STAG1: variants seen among roughly 807,000 people sequenced by gnomAD.
The protein encoded by STAG1 is cohesin subunit SA-1.
In STAG1, 26 loss-of-function variants were observed where a neutral mutation model predicts 170.9. The ratio of observed to expected loss-of-function variants is 0.15; its 90% CI spans 0.11 to 0.21. The LOEUF is 0.21. STAG1 is among the 10% of genes least tolerant of loss of function. The probability of loss-of-function intolerance (pLI) is 1.00; values close to 1 mark genes in which losing one functional copy is unlikely to be tolerated. For synonymous variants in STAG1, 514 were observed against 497.7 expected (o/e 1.03, Z -0.44); for missense variants, 964 against 1,509.5 (o/e 0.64, Z 5.99).
At chr3:136,377,780 G>T in intron 22 of STAG1, 28 bp from the exon 23 acceptor site, 1 of 1,573,406 alleles carries the variant, frequency 6.4e-7, no homozygotes, top group Non-Finnish European at 8.7e-7. Flanking sequence ...ATTTGCAAGC[G>T]TGAATTACAG....
At chr3:136,632,209 T>C (rs543978344) in intron 1 of STAG1, among the ~76,000 whole-genome samples, 1 of 152,098 alleles carries the variant, frequency 6.6e-6, no homozygotes, top group South Asian at 2.1e-4. Context: ...AATCGATGAG[T>C]AGAAAACTTC....
intron 1 of STAG1, among the ~76,000 whole-genome samples, chr3:136,747,902 C>T (rs1009755578): frequency 1.6e-4 from 24 of 150,652 alleles, no homozygotes; most frequent in African/African-American, 5.1e-4. Context: ...TCAGCCTCCC[C>T]GGTAGCTAGG....
In STAG1 at chr3:136,450,741, CTTAT is replaced by C. The variant is rs531568175; in HGVS notation, c.1428+1288_1428+1291del. 2.7e-3 allele frequency among the ~76,000 whole-genome samples: 417 copies of C among 152,092 alleles called. 4 individuals are homozygous for C. Among genetic ancestry groups the C allele is most frequent in the Non-Finnish European group, 4.5e-3 (304 of 67,964 alleles). On this transcript the variant is annotated intron_variant, in intron 14 of 33. Coordinates refer to ENST00000383202, the MANE Select transcript of STAG1 (RefSeq NM_005862.3). ...TTCTTTTGCAACTCTATTTTGTTTG[CTTAT>C]TTATTTTAATTTTTTTTGAGACAGA... is the stretch of plus-strand genomic sequence containing the variant.
chr3:136,370,484 G>A (rs997897149), intron 23 of STAG1, among the ~76,000 whole-genome samples: 12 of 152,074 alleles, frequency 7.9e-5, no homozygotes, highest in African/African-American at 2.9e-4. Context: ...AGCATTAGGT[G>A]TATCTCCTAA....
At chr3:136,722,616 C>T (rs1457667333) in intron 1 of STAG1, among the ~76,000 whole-genome samples, 1 of 141,738 alleles carries the variant, frequency 7.1e-6, no homozygotes, top group African/African-American at 2.9e-5. Context: ...ATGACTCTCC[C>T]TCTCCCTCTC....
chr3:136,454,127 C>A (rs985420166), intron 13 of STAG1, among the ~76,000 whole-genome samples: 5 of 152,190 alleles, frequency 3.3e-5, no homozygotes, highest in African/African-American at 1.2e-4. Context: ...CACAGTCTCA[C>A]TCTGTCACCC....
chr3:136,656,736 A>G (rs1477095745), intron 1 of STAG1, among the ~76,000 whole-genome samples: 1 of 151,912 alleles, frequency 6.6e-6, no homozygotes, highest in East Asian at 1.9e-4. Flanking sequence ...GAATGAGTCA[A>G]TTACTGCATG....
intron 3 of STAG1, among the ~76,000 whole-genome samples, chr3:136,619,767 A>AT (rs1278465597): frequency 2.0e-5 from 3 of 150,602 alleles, no homozygotes; most frequent in Non-Finnish European, 3.0e-5. Context: ...AAAAAAAAAA[A>AT]AAAAAAAAAA....
rs911018011 is a variant in STAG1, at chr3:136,633,717, G to A, written c.-83-2736C>T. 3.6e-5 allele frequency among the ~76,000 whole-genome samples: 5 copies of A among 139,636 alleles called. No individual in the cohort carries two copies. The Admixed American group carries it at 3.6e-4, about 10-fold the overall frequency. The allele number at this position is 139,636 out of a possible 152,430, so 91.6% of individuals were successfully genotyped here. Reference sequence around the variant, plus strand: ...TTTCCATATCAAAAAAAAAGGGGGGGGGGGGGGTCAGGGGCACAGATATTA... The same window carrying A: ...TTTCCATATCAAAAAAAAAGGGGGGAGGGGGGGTCAGGGGCACAGATATTA... On this transcript the variant is annotated intron_variant, in intron 1 of 33. Transcript: ENST00000383202.
At chr3:136,379,990 T>C (rs1937859973) in intron 22 of STAG1, among the ~76,000 whole-genome samples, 1 of 149,592 alleles carries the variant, frequency 6.7e-6, no homozygotes, top group South Asian at 2.1e-4. Context: ...ATAGGCCAGT[T>C]AGAGTAGTCA....
At chr3:136,349,882 C>T (rs766102625) in intron 28 of STAG1, among the ~76,000 whole-genome samples, 2 of 152,100 alleles carry the variant, frequency 1.3e-5, no homozygotes, top group African/African-American at 2.4e-5. Context: ...GGCCAGGCAC[C>T]GTGGCTCACG....
At chr3:136,349,041 TA>T in intron 29 of STAG1, 116 bp downstream of exon 29, 1 of 797,790 alleles carries the variant, frequency 1.3e-6, no homozygotes, top group Non-Finnish European at 2.0e-6. Context: ...TCATTGTGAA[TA>T]AAATATACAA....
intron 1 of STAG1, among the ~76,000 whole-genome samples, chr3:136,720,711 C>A (rs1232053199): frequency 6.6e-6 from 1 of 152,010 alleles, no homozygotes; most frequent in Admixed American, 6.6e-5. Context: ...ATCACTAGAA[C>A]TCAGGAGGCG....
chr3:136,427,228 C>CAA (rs1207772784), intron 16 of STAG1, among the ~76,000 whole-genome samples: 1 of 110,062 alleles, frequency 9.1e-6, no homozygotes, highest in Non-Finnish European at 1.9e-5. Context: ...GACTCCAACT[C>CAA]AAAAAAAAAA....
intron 1 of STAG1, among the ~76,000 whole-genome samples, chr3:136,636,618 A>G (rs1940571351): frequency 6.6e-6 from 1 of 152,200 alleles, no homozygotes; most frequent in African/African-American, 2.4e-5. Flanking sequence ...AACAAAACCA[A>G]TTTTAGCATA....
chr3:136,477,422 G>GAA lies in STAG1; in HGVS notation c.903-12_903-11dup. On this transcript the variant is annotated splice_polypyrimidine_tract_variant and intron_variant, in intron 9 of 33. Coordinates refer to ENST00000383202, the MANE Select transcript of STAG1 (RefSeq NM_005862.3). ...CTCAGCAATAGCATCACTAGAGAGA[G>GAA]AAAAAAAAGACAATCTCAAATTAAT... is the stretch of plus-strand genomic sequence containing the variant. 6.3e-7 allele frequency: 1 copy of GAA among 1,577,862 alleles called. No individual in the cohort carries two copies. The highest frequency in any genetic ancestry group is 1.9e-5 in the Admixed American group (1 of 53,054).
chr3:136,612,421 C>G (rs1006310766), intron 3 of STAG1, among the ~76,000 whole-genome samples: 1 of 151,334 alleles, frequency 6.6e-6, no homozygotes, highest in Admixed American at 6.6e-5. Context: ...GCCTGGGAAA[C>G]AAAGCAAGAC....
intron 1 of STAG1, among the ~76,000 whole-genome samples, chr3:136,735,442 T>C (rs932417401): frequency 6.6e-6 from 1 of 150,604 alleles, no homozygotes; most frequent in Non-Finnish European, 1.5e-5. Context: ...CTGCATTTTT[T>C]TTTTCCTTTT....
Position 136,429,585 on chromosome 3 carries a change from G to A in STAG1, c.1650+3971C>T, listed in dbSNP as rs542997321. On this transcript the variant is annotated intron_variant, in intron 16 of 33. Transcript: ENST00000383202. ...TTAAGACTGCTTTTGCTTCTTTGGT[G>A]ACACAGACCCTTGTATTACGTGGGC... 5.3e-5 allele frequency among the ~76,000 whole-genome samples: 8 copies of A among 152,276 alleles called. No homozygotes were observed. The South Asian group carries it at 1.2e-3, about 24-fold the overall frequency.
Sources: gnomAD v4.1 joint callset for allele counts (sites outside exome capture counted in the v4.1 genomes callset) on GRCh38, gnomAD v4.1.1 for gene constraint, MANE v1.5 for transcripts, NCBI Gene and HGNC (gene_info 2026-07-23, HGNC 2026-07-21) for gene names.